The following MIR2052HG variants were observed in gnomAD, a reference collection of about 807,000 sequenced individuals.
The protein encoded by MIR2052HG is MIR2052 host gene.
chr8:74,674,514 T>C (rs899909156), intron 2 of MIR2052HG, among the ~76,000 whole-genome samples: 1 of 151,962 alleles, frequency 6.6e-6, no homozygotes, highest in Admixed American at 6.6e-5. Flanking sequence ...TACTAACAAG[T>C]TGGATCCTAA....
rs1809452792 is a variant in MIR2052HG at position 74,710,115 on chromosome 8, A to G, written n.371+6433A>G. 2.0e-5 allele frequency among the ~76,000 whole-genome samples: 3 copies of G among 152,250 alleles called. No individual in the cohort carries two copies. In the South Asian group the frequency reaches 6.2e-4, roughly 32 times the overall value. On this transcript the variant is annotated intron_variant and non_coding_transcript_variant, in intron 4 of 6. Coordinates refer to ENST00000523442, the Ensembl canonical transcript of MIR2052HG. Reference sequence around the variant, plus strand: ...ATCTAAGTAGCGATTTTTAAACTTAAACCATTTGATTTGCATTATTCTTCC... The same window carrying G: ...ATCTAAGTAGCGATTTTTAAACTTAGACCATTTGATTTGCATTATTCTTCC...
chr8:74,701,519 G>A (rs138108828), intron 2 of MIR2052HG, among the ~76,000 whole-genome samples: 1 of 151,918 alleles, frequency 6.6e-6, no homozygotes, highest in African/African-American at 2.4e-5. Context: ...CTCCATAGAG[G>A]GTGTTTAGTT....
At chr8:74,678,603 C>T (rs908251495) in intron 2 of MIR2052HG, among the ~76,000 whole-genome samples, 1 of 107,104 alleles carries the variant, frequency 9.3e-6, no homozygotes, top group African/African-American at 3.5e-5. Context: ...AGAATGATAA[C>T]AATTCCCAAG....
intron 4 of MIR2052HG, among the ~76,000 whole-genome samples, chr8:74,735,560 G>T (rs1809737518): frequency 6.6e-6 from 1 of 152,188 alleles, no homozygotes; most frequent in African/African-American, 2.4e-5. Context: ...ATACCCTGCT[G>T]CTCAGTTGTG....
chr8:74,754,716 GAC>G (rs1563547414), intron 5 of MIR2052HG, among the ~76,000 whole-genome samples: 61 of 151,316 alleles, frequency 4.0e-4, no homozygotes, highest in Non-Finnish European at 6.2e-4. Context: ...CTGAAAGTTA[GAC>G]GCAAGGGGAA....
chr8:74,667,913 G>A (rs1190528151), intron 2 of MIR2052HG, among the ~76,000 whole-genome samples: 1 of 151,890 alleles, frequency 6.6e-6, no homozygotes, highest in Non-Finnish European at 1.5e-5. Context: ...TTTGTGATTG[G>A]TATGACACAT....
rs74660146 is a variant in MIR2052HG at position 74,709,968 on chromosome 8, T to C, written n.371+6286T>C. Among the ~76,000 whole-genome samples, 1,079 of 152,294 alleles carry C rather than the reference T, an allele frequency of 7.1e-3. 18 individuals are homozygous for C. The highest frequency in any genetic ancestry group is 0.024 in the African/African-American group (995 of 41,556). On this transcript the variant is annotated intron_variant and non_coding_transcript_variant, in intron 4 of 6. Coordinates refer to ENST00000523442, the Ensembl canonical transcript of MIR2052HG. ...ATTTTTAAAATTTCTGCAATATGCA[T>C]CTAGTTTAACAGTTATCAGAAATTC...
intron 1 of MIR2052HG, chr8:74,603,846 C>T (rs1320471213): frequency 1.1e-6 from 1 of 875,502 alleles, no homozygotes; most frequent in Non-Finnish European, 2.0e-6. Flanking sequence ...TATCCCCTGC[C>T]ATCTAGACCT....
intron 2 of MIR2052HG, among the ~76,000 whole-genome samples, chr8:74,648,829 C>A (rs942882870): frequency 6.6e-6 from 1 of 152,104 alleles, no homozygotes; most frequent in South Asian, 2.1e-4. Flanking sequence ...TAGATCATAT[C>A]TAAGTGTTTA....
At chr8:74,691,202 T>C (rs1262443419) in intron 2 of MIR2052HG, among the ~76,000 whole-genome samples, 2 of 152,216 alleles carry the variant, frequency 1.3e-5, no homozygotes, top group Non-Finnish European at 2.9e-5. Context: ...AGTCTGACTC[T>C]AGAGCCTGAT....
intron 2 of MIR2052HG, among the ~76,000 whole-genome samples, chr8:74,656,385 G>T (rs193158900): frequency 2.6e-5 from 4 of 152,220 alleles, no homozygotes; most frequent in Middle Eastern, 3.4e-3. Context: ...ATTCCCCTGT[G>T]TTGTGGGAGG....
chr8:74,746,982 T>C (rs555272454), intron 4 of MIR2052HG, among the ~76,000 whole-genome samples: 2 of 152,164 alleles, frequency 1.3e-5, no homozygotes, highest in South Asian at 2.1e-4. Context: ...GAATTTGCTG[T>C]AATCATAGGA....
intron 2 of MIR2052HG, among the ~76,000 whole-genome samples, chr8:74,637,886 A>G (rs1808599695): frequency 1.3e-5 from 2 of 152,180 alleles, no homozygotes; most frequent in African/African-American, 2.4e-5. Flanking sequence ...TGAAAAATAA[A>G]TTCATGGAAT....
chr8:74,656,137 C>T (rs1172689525), intron 2 of MIR2052HG, among the ~76,000 whole-genome samples: 1 of 152,138 alleles, frequency 6.6e-6, no homozygotes, highest in Non-Finnish European at 1.5e-5. Flanking sequence ...TAGGAAGTAA[C>T]TAGCTTGCTT....
intron 5 of MIR2052HG, among the ~76,000 whole-genome samples, chr8:74,755,300 T>TGATG (rs1466509429): frequency 6.6e-6 from 1 of 152,200 alleles, no homozygotes; most frequent in African/African-American, 2.4e-5. Flanking sequence ...GTCTTTGAAG[T>TGATG]GATGGGTATG....
intron 2 of MIR2052HG, among the ~76,000 whole-genome samples, chr8:74,679,526 A>G (rs1015586250): frequency 7.5e-5 from 3 of 40,248 alleles, no homozygotes; most frequent in Non-Finnish European, 1.8e-4. Context: ...GTTTACTATT[A>G]TTATTATTAT....
chr8:74,707,548 G>C (rs269195), intron 4 of MIR2052HG, among the ~76,000 whole-genome samples: 98,642 of 151,888 alleles, frequency 0.65, 33,639 homozygotes, highest in African/African-American at 0.86. Flanking sequence ...TTTGTGCCCT[G>C]ATAGTATGCA....
intron 2 of MIR2052HG, among the ~76,000 whole-genome samples, chr8:74,645,077 T>C (rs1322972609): frequency 2.0e-5 from 3 of 152,062 alleles, no homozygotes; most frequent in East Asian, 3.9e-4. Context: ...GCATCTAGAC[T>C]TGCATTTTCA....
intron 5 of MIR2052HG, among the ~76,000 whole-genome samples, chr8:74,754,920 A>G (rs1023010273): frequency 6.6e-6 from 1 of 152,232 alleles, no homozygotes; most frequent in Non-Finnish European, 1.5e-5. Flanking sequence ...TTTAACAACC[A>G]TTGCTATCTT....
Sources: gnomAD v4.1 joint callset for allele counts (sites outside exome capture counted in the v4.1 genomes callset) on GRCh38, gnomAD v4.1.1 for gene constraint, MANE v1.5 for transcripts, NCBI Gene and HGNC (gene_info 2026-07-23, HGNC 2026-07-21) for gene names.